The following CERS6 variants were observed in gnomAD, a reference collection of about 807,000 sequenced individuals.
CERS6 encodes LAG1 homolog, ceramide synthase 6.
CERS6 carries 26 observed loss-of-function variants against 56.8 expected under a neutral mutation model. The ratio of observed to expected loss-of-function variants is 0.46; its 90% CI spans 0.34 to 0.63. The LOEUF (loss-of-function observed/expected upper bound fraction) is 0.63, where lower values mean the gene tolerates loss of function less well. Ranked by LOEUF, CERS6 falls within the 30% of genes least tolerant of loss-of-function variation. The pLI is 0.01. For missense variants in CERS6, 415 were observed against 467.5 expected (o/e 0.89, Z 1.04); for synonymous variants, 164 against 173.3 (o/e 0.95, Z 0.42).
intron 4 of CERS6, among the ~76,000 whole-genome samples, chr2:168,672,212 A>G (rs1685936158): frequency 6.6e-6 from 1 of 152,234 alleles, no homozygotes; most frequent in South Asian, 2.1e-4. Context: ...CTAAAGGCTG[A>G]TGGCTCCAGC....
intron 1 of CERS6, among the ~76,000 whole-genome samples, chr2:168,494,200 T>C (rs1424770434): frequency 1.3e-5 from 2 of 152,188 alleles, no homozygotes; most frequent in African/African-American, 4.8e-5. Flanking sequence ...TCTTTACCAG[T>C]CCTTCCTGGC....
At chr2:168,518,254 A>G (rs997657074) in intron 1 of CERS6, among the ~76,000 whole-genome samples, 2 of 152,152 alleles carry the variant, frequency 1.3e-5, no homozygotes, top group Admixed American at 1.3e-4. Flanking sequence ...TGGACTTGCA[A>G]TTCTATAAAT....
chr2:168,604,059 G>A (rs371813099), intron 3 of CERS6, among the ~76,000 whole-genome samples: 11 of 152,282 alleles, frequency 7.2e-5, no homozygotes, highest in Admixed American at 5.9e-4. Flanking sequence ...AAATGAAAAC[G>A]TGTTAGAAGG....
chr2:168,734,819 G>T (rs1683663991), intron 8 of CERS6, among the ~76,000 whole-genome samples: 1 of 152,102 alleles, frequency 6.6e-6, no homozygotes, highest in Non-Finnish European at 1.5e-5. Flanking sequence ...AATTCAAAAA[G>T]GCCAATTCAT....
intron 3 of CERS6, among the ~76,000 whole-genome samples, chr2:168,597,855 C>A (rs1225982727): frequency 6.6e-6 from 1 of 152,162 alleles, no homozygotes; most frequent in East Asian, 1.9e-4. Context: ...GACAGTGTGC[C>A]AGAGTGCCTT....
intron 1 of CERS6, among the ~76,000 whole-genome samples, chr2:168,525,319 C>T (rs1695051760): frequency 6.6e-6 from 1 of 152,218 alleles, no homozygotes; most frequent in South Asian, 2.1e-4. Context: ...TTTTTATCTG[C>T]TTCTCAGGTG....
At chr2:168,503,306 GA>G (rs1249642708) in intron 1 of CERS6, among the ~76,000 whole-genome samples, 2 of 152,142 alleles carry the variant, frequency 1.3e-5, no homozygotes, top group African/African-American at 4.8e-5. Flanking sequence ...ATCGCAGTGT[GA>G]AAATGGACTA....
intron 1 of CERS6, among the ~76,000 whole-genome samples, chr2:168,542,420 T>C (rs1695388897): frequency 6.6e-6 from 1 of 152,222 alleles, no homozygotes; most frequent in South Asian, 2.1e-4. Context: ...TTAATACTTG[T>C]ACTCATTTAT....
intron 8 of CERS6, among the ~76,000 whole-genome samples, chr2:168,745,077 G>A (rs1684058493): frequency 6.6e-6 from 1 of 152,102 alleles, no homozygotes; most frequent in Admixed American, 6.5e-5. Flanking sequence ...ATGAGACACA[G>A]GTGGGAAGTG....
chr2:168,749,156 A>G (rs1486547514), intron 8 of CERS6, among the ~76,000 whole-genome samples: 1 of 152,206 alleles, frequency 6.6e-6, no homozygotes, highest in Non-Finnish European at 1.5e-5. Context: ...CTAGGCAGCT[A>G]TTAAGCTCTA....
At chr2:168,672,460 G>A (rs745877703) in intron 4 of CERS6, among the ~76,000 whole-genome samples, 2 of 152,026 alleles carry the variant, frequency 1.3e-5, no homozygotes, top group Non-Finnish European at 2.9e-5. Flanking sequence ...TAGGTGTTGG[G>A]GTAAACAAAA....
intron 1 of CERS6, among the ~76,000 whole-genome samples, chr2:168,508,792 A>G (rs1018260825): frequency 6.6e-6 from 1 of 152,186 alleles, no homozygotes; most frequent in Non-Finnish European, 1.5e-5. Context: ...GCAAACCACC[A>G]TGGCACATGT....
At position 168,770,173 on chromosome 2, in the gene CERS6, A is replaced by G. The variant is rs1684828570; in HGVS notation, c.*511A>G. On this transcript the variant is annotated 3_prime_UTR_variant, in exon 10 of 10. Coordinates refer to ENST00000305747, the MANE Select transcript of CERS6 (RefSeq NM_203463.3). ...ATTTTGAAATTGCCTATACAGTCTT[A>G]GTGACCATTTAAACCGGACGAACTA... 1 of 153,776 alleles carries G rather than the reference A, an allele frequency of 6.5e-6. No homozygotes were observed. The highest frequency in any genetic ancestry group is 2.4e-5 in the African/African-American group (1 of 41,472). The allele number at this position is 153,776 out of a possible 1,614,324, so 9.5% of individuals were successfully genotyped here. A position where few individuals can be genotyped will look rare whatever the true frequency, so the allele number is the denominator to read the frequency against.
At chr2:168,579,836 C>G (rs978609289) in intron 3 of CERS6, among the ~76,000 whole-genome samples, 4 of 152,154 alleles carry the variant, frequency 2.6e-5, no homozygotes, top group Admixed American at 2.6e-4. Flanking sequence ...TCAAGGTGCT[C>G]TCTGCTTGCT....
intron 1 of CERS6, among the ~76,000 whole-genome samples, chr2:168,517,924 A>C (rs1221495129): frequency 6.6e-6 from 1 of 152,230 alleles, no homozygotes; most frequent in Non-Finnish European, 1.5e-5. Context: ...TAGAGAAAAA[A>C]TTAAGATGCG....
intron 1 of CERS6, among the ~76,000 whole-genome samples, chr2:168,498,567 A>G (rs79904943): frequency 0.019 from 2,858 of 152,288 alleles, 86 homozygotes; most frequent in African/African-American, 0.065. Context: ...GCAGTAGGCT[A>G]ACGTGTATGC....
intron 8 of CERS6, among the ~76,000 whole-genome samples, chr2:168,731,064 A>G (rs1446954316): frequency 6.6e-6 from 1 of 152,188 alleles, no homozygotes; most frequent in Non-Finnish European, 1.5e-5. Context: ...GTACTGTTTT[A>G]ATCACTTAAT....
chr2:168,731,985 A>G (rs552984740), intron 8 of CERS6, among the ~76,000 whole-genome samples: 3 of 152,348 alleles, frequency 2.0e-5, no homozygotes, highest in South Asian at 2.1e-4. Context: ...AGTCTACAAT[A>G]TATCGGAGAA....
chr2:168,673,834 C>T (rs554626859), intron 4 of CERS6, among the ~76,000 whole-genome samples: 21 of 152,286 alleles, frequency 1.4e-4, no homozygotes, highest in African/African-American at 4.8e-4. Context: ...CTGCTTTGCA[C>T]GTGTTTGAAT....
Sources: allele counts gnomAD v4.1 joint callset (sites outside exome capture counted in the v4.1 genomes callset), GRCh38; gene constraint gnomAD v4.1.1; transcripts MANE v1.5; gene names NCBI Gene and HGNC (gene_info 2026-07-23, HGNC 2026-07-21).